Variants in DAB1 observed in about 807,000 individuals in gnomAD.
The protein encoded by DAB1 is DAB adaptor protein 1.
A neutral mutation model predicts 64.6 loss-of-function variants in DAB1; 15 were observed. The observed-to-expected ratio is 0.23, with a 90% CI of 0.16 to 0.36. The LOEUF (loss-of-function observed/expected upper bound fraction) is 0.36. DAB1 is among the 10% of genes least tolerant of loss of function. The probability of loss-of-function intolerance (pLI) is 1.00; values close to 1 mark genes in which losing one functional copy is unlikely to be tolerated. For synonymous variants in DAB1, 235 were observed against 251.9 expected (o/e 0.93, Z 0.64); for missense variants, 596 against 706.7 (o/e 0.84, Z 1.78).
rs1650595606 is a variant in DAB1, at chr1:58,090,585, C to T, written n.387+59926G>A. On this transcript the variant is annotated intron_variant and non_coding_transcript_variant, in intron 5 of 20. Transcript: ENST00000485760. ...CTTTCTCTTGCCCTTAATCACAACT[C>T]TGTGACTTTCTTGGGGTGGGCATCC... Among the ~76,000 whole-genome samples, 3 of 152,328 alleles carry T rather than the reference C, an allele frequency of 2.0e-5. No homozygotes were observed. The South Asian group carries it at 6.2e-4, about 32-fold the overall frequency.
chr1:57,126,174 GA>G (rs550557326), intron 4 of DAB1, among the ~76,000 whole-genome samples: 73 of 151,898 alleles, frequency 4.8e-4, no homozygotes, highest in Middle Eastern at 6.9e-3. Flanking sequence ...AAAATTCCAA[GA>G]AAAAAGTAGT....
intron 1 of DAB1, among the ~76,000 whole-genome samples, chr1:57,345,569 T>C (rs544652148): frequency 6.6e-6 from 1 of 152,300 alleles, no homozygotes; most frequent in African/African-American, 2.4e-5. Context: ...CTTTTATGTA[T>C]GCAACATCTA....
chr1:57,380,597 G>A (rs1681288864), intron 1 of DAB1, among the ~76,000 whole-genome samples: 1 of 152,202 alleles, frequency 6.6e-6, no homozygotes, highest in Non-Finnish European at 1.5e-5. Context: ...TGAGTACAAT[G>A]TGTTTATATT....
chr1:57,633,723 T>C (rs1486292176), intron 7 of DAB1, among the ~76,000 whole-genome samples: 1 of 151,994 alleles, frequency 6.6e-6, no homozygotes, highest in East Asian at 1.9e-4. Context: ...GTCTGAAAAA[T>C]AGATTCAATT....
At chr1:57,832,601 G>C (rs963812330) in intron 1 of DAB1, among the ~76,000 whole-genome samples, 1 of 152,194 alleles carries the variant, frequency 6.6e-6, no homozygotes, top group African/African-American at 2.4e-5. Flanking sequence ...ACCAGCCCCA[G>C]TTTTCCATGG....
intron 6 of DAB1, among the ~76,000 whole-genome samples, chr1:57,724,586 G>A (rs1344168036): frequency 1.3e-5 from 2 of 152,130 alleles, no homozygotes; most frequent in South Asian, 2.1e-4. Context: ...AAAATCAGAA[G>A]CTTAATGGGA....
chr1:58,387,658 G>C (rs1644443618), intron 3 of DAB1, among the ~76,000 whole-genome samples: 1 of 151,866 alleles, frequency 6.6e-6, no homozygotes, highest in Non-Finnish European at 1.5e-5. Flanking sequence ...TCTTCTCTAG[G>C]AGTTAATCTT....
chr1:57,206,074 G>A (rs963342657), intron 2 of DAB1, among the ~76,000 whole-genome samples: 2 of 152,194 alleles, frequency 1.3e-5, no homozygotes, highest in Admixed American at 6.5e-5. Flanking sequence ...GTGCTTATAT[G>A]CTATTTAGTG....
intron 6 of DAB1, among the ~76,000 whole-genome samples, chr1:57,675,132 C>T (rs1411803376): frequency 6.6e-6 from 1 of 152,226 alleles, no homozygotes. Context: ...CCACATGGAA[C>T]AGTCTCTGTT....
intron 4 of DAB1, among the ~76,000 whole-genome samples, chr1:58,217,764 T>C (rs1479185873): frequency 1.3e-5 from 2 of 152,224 alleles, no homozygotes; most frequent in Non-Finnish European, 1.5e-5. Flanking sequence ...GCATTTATAA[T>C]ATGCTTATTA....
intron 3 of DAB1, among the ~76,000 whole-genome samples, chr1:58,385,799 A>G (rs141930533): frequency 1.3e-4 from 20 of 152,352 alleles, no homozygotes; most frequent in African/African-American, 4.6e-4. Context: ...AAAAATGACA[A>G]GGGAGTCAAA....
chr1:58,118,259 A>G (rs1197027386), intron 5 of DAB1, among the ~76,000 whole-genome samples: 1 of 148,996 alleles, frequency 6.7e-6, no homozygotes, highest in African/African-American at 2.5e-5. Flanking sequence ...TCCCTCATTC[A>G]CTCACTCACT....
At chr1:57,106,261 C>CT (rs1018712521) in intron 4 of DAB1, among the ~76,000 whole-genome samples, 1 of 151,074 alleles carries the variant, frequency 6.6e-6, no homozygotes, top group South Asian at 2.2e-4. Context: ...CCTAACACCC[C>CT]CCCCCATCAG....
intron 2 of DAB1, among the ~76,000 whole-genome samples, chr1:57,232,535 T>C (rs1667763606): frequency 6.6e-6 from 1 of 152,152 alleles, no homozygotes; most frequent in African/African-American, 2.4e-5. Flanking sequence ...AACACACTTT[T>C]GAGCTCTAAC....
chr1:58,298,782 A>C (rs941648757), intron 4 of DAB1, among the ~76,000 whole-genome samples: 16 of 152,236 alleles, frequency 1.1e-4, no homozygotes, highest in Non-Finnish European at 1.9e-4. Flanking sequence ...GCCTTGCATC[A>C]CTGTCTCCAG....
intron 7 of DAB1, among the ~76,000 whole-genome samples, chr1:57,584,632 C>G (rs1435124143): frequency 6.6e-6 from 1 of 152,146 alleles, no homozygotes; most frequent in Non-Finnish European, 1.5e-5. Flanking sequence ...ATCACTCAGA[C>G]CTATTATTCC....
intron 1 of DAB1, among the ~76,000 whole-genome samples, chr1:57,336,349 G>A (rs1336242405): frequency 6.6e-6 from 1 of 152,184 alleles, no homozygotes; most frequent in Non-Finnish European, 1.5e-5. Flanking sequence ...CAAATAAAAG[G>A]ATTTGGTTTA....
chr1:57,015,254 G>A lies in DAB1; in HGVS notation c.1073C>T (p.Ala358Val). Residue 358 changes from alanine to valine, a missense_variant, in exon 12 of 15, where the codon GCC (alanine) becomes GTC (valine). This residue lies in a region of DAB1 where 377 missense variants were observed against 400.4 expected (regional missense o/e 0.94). Coordinates refer to ENST00000371236, the MANE Select transcript of DAB1 (RefSeq NM_001365792.1). ...GAAGGCGGCTGGCGGAAACTGCCCG[G>A]CCACAGTTGGCCAGGGCTGCTGAGT... ...PATQQPWPTV[A>V]GQFPPAAFMP... 2 of 1,614,112 alleles carry A rather than the reference G, an allele frequency of 1.2e-6. No homozygotes were observed. Among genetic ancestry groups the A allele is most frequent in the Non-Finnish European group, 1.7e-6 (2 of 1,180,028 alleles).
At chr1:58,301,023 A>G (rs2100462801) in intron 4 of DAB1, among the ~76,000 whole-genome samples, 1 of 152,078 alleles carries the variant, frequency 6.6e-6, no homozygotes, top group East Asian at 1.9e-4. Flanking sequence ...ACAAAGGTGG[A>G]GTATAGGCTA....
Sources: gnomAD v4.1 joint callset for allele counts (sites outside exome capture counted in the v4.1 genomes callset) on GRCh38, gnomAD v4.1.1 for gene constraint, gnomAD v4.1.1 regional missense constraint, MANE v1.5 for transcripts, NCBI Gene and HGNC (gene_info 2026-07-23, HGNC 2026-07-21) for gene names.